CFAP47: variants seen among roughly 807,000 people sequenced by gnomAD.
CFAP47 encodes cilia- and flagella-associated protein 47.
Under a neutral mutation model 148.1 loss-of-function variants are expected in CFAP47, and 29 were observed. That is an observed-to-expected ratio of 0.20 (90% CI 0.15 to 0.27). The LOEUF is 0.27. Ranked by LOEUF, CFAP47 falls within the 10% of genes least tolerant of loss-of-function variation. CFAP47 has a pLI of 1.00. For missense variants in CFAP47, 1,872 were observed against 1,697.5 expected (o/e 1.10, Z -1.81); for synonymous variants, 664 against 577.3 (o/e 1.15, Z -2.15).
chrX:36,348,811 T>G (rs1430090620), intron 58 of CFAP47, among the ~76,000 whole-genome samples: 2 of 111,832 alleles, frequency 1.8e-5, no homozygotes. Context: ...TAGCTGGAAG[T>G]TAAGCAAAAT....
chrX:35,932,818 G>A (rs1404479684), intron 2 of CFAP47, among the ~76,000 whole-genome samples: 2 of 109,920 alleles, frequency 1.8e-5, no homozygotes, highest in African/African-American at 6.6e-5. Context: ...GTAGAGATGA[G>A]GTTTCACCAG....
At chrX:35,981,688 C>T (rs1482510184) in intron 15 of CFAP47, among the ~76,000 whole-genome samples, 2 of 111,123 alleles carry the variant, frequency 1.8e-5, no homozygotes, top group African/African-American at 6.5e-5. Context: ...CCTCCATCCT[C>T]AAGTAGTACG....
At chrX:36,346,025 A>G (rs782197400) in intron 57 of CFAP47, among the ~76,000 whole-genome samples, 56 of 111,845 alleles carry the variant, frequency 5.0e-4, no homozygotes, top group Middle Eastern at 4.6e-3. Flanking sequence ...CAGTCTTACA[A>G]CAGAATAAAA....
At chrX:36,265,201 GAA>G (rs1940876072) in intron 49 of CFAP47, among the ~76,000 whole-genome samples, 1 of 111,915 alleles carries the variant, frequency 8.9e-6, no homozygotes, top group Non-Finnish European at 1.9e-5. Context: ...ATTTGGCTCT[GAA>G]TTAGGACATT....
At chrX:36,317,904 T>C (rs1305660606) in intron 56 of CFAP47, among the ~76,000 whole-genome samples, 2 of 111,971 alleles carry the variant, frequency 1.8e-5, no homozygotes, top group East Asian at 5.6e-4. Flanking sequence ...TACAATTATT[T>C]TATTTTTAGA....
At chrX:36,083,418 C>G (rs1256347921) in intron 29 of CFAP47, among the ~76,000 whole-genome samples, 1 of 111,024 alleles carries the variant, frequency 9.0e-6, no homozygotes, top group Non-Finnish European at 1.9e-5. Flanking sequence ...GGCAAGCTCA[C>G]TGATAAATTT....
intron 42 of CFAP47, among the ~76,000 whole-genome samples, chrX:36,196,048 T>C (rs1013751524): frequency 1.8e-5 from 2 of 111,893 alleles, no homozygotes; most frequent in African/African-American, 6.5e-5. Flanking sequence ...CTGCAATTAA[T>C]GTTGTGTCAA....
chrX:36,179,057 T>C (rs1168199373), intron 39 of CFAP47, among the ~76,000 whole-genome samples: 1 of 112,505 alleles, frequency 8.9e-6, no homozygotes. Flanking sequence ...GGAATATAAT[T>C]TGACCAGTCA....
chrX:36,126,233 T>C (rs187541866), intron 33 of CFAP47, among the ~76,000 whole-genome samples: 1 of 110,014 alleles, frequency 9.1e-6, no homozygotes, highest in Non-Finnish European at 1.9e-5. Flanking sequence ...CTCCTATATG[T>C]TATCCCTCCC....
At chrX:36,382,432 T>C (rs1569332960) in intron 63 of CFAP47, among the ~76,000 whole-genome samples, 1 of 111,656 alleles carries the variant, frequency 9.0e-6, no homozygotes, top group Non-Finnish European at 1.9e-5. Flanking sequence ...AATTGATCTA[T>C]GAAGTTTCAC....
intron 49 of CFAP47, among the ~76,000 whole-genome samples, chrX:36,270,672 T>C (rs1341334155): frequency 1.1e-4 from 11 of 104,610 alleles, no homozygotes; most frequent in African/African-American, 3.8e-4. Flanking sequence ...ATTATATACA[T>C]ATTCTGGACA....
intron 49 of CFAP47, among the ~76,000 whole-genome samples, chrX:36,276,575 A>G (rs1345085438): frequency 8.9e-6 from 1 of 111,998 alleles, no homozygotes; most frequent in Middle Eastern, 4.6e-3. Flanking sequence ...AAGTAGCATG[A>G]CAATCTTCTG....
At chrX:36,371,770 A>G (rs1184154497) in intron 62 of CFAP47, among the ~76,000 whole-genome samples, 4 of 51,607 alleles carry the variant, frequency 7.8e-5, no homozygotes, top group African/African-American at 3.7e-4. Context: ...GTGTGTATAT[A>G]CACACATGTG....
intron 49 of CFAP47, among the ~76,000 whole-genome samples, chrX:36,262,381 C>T (rs974618099): frequency 9.0e-6 from 1 of 111,663 alleles, no homozygotes; most frequent in Non-Finnish European, 1.9e-5. Flanking sequence ...ACTACCCTTC[C>T]CAGCCTCTGG....
Position 36,190,111 on chromosome X carries a change from T to A in CFAP47, c.6236T>A (p.Val2079Glu). ...FCSMHTVHLG[V>E]KGTSSLELRF... ...TCCATGCATACTGTTCACCTGGGAG[T>A]GAAAGGAACTTCAAGCCTAGAGCTC... is the stretch of plus-strand genomic sequence containing the variant. Residue 2079 changes from valine to glutamate, a missense_variant, in exon 42 of 64, where the codon GTG (valine) becomes GAG (glutamate). Transcript: ENST00000378653. 1 of 297,725 alleles carries A rather than the reference T, an allele frequency of 3.4e-6. No homozygotes were observed. The highest frequency in any genetic ancestry group is 5.9e-6 in the Non-Finnish European group (1 of 170,210). The allele number at this position is 297,725 out of a possible 1,213,427, so 24.5% of individuals were successfully genotyped here.
chrX:36,349,349 C>T (rs948228364), intron 58 of CFAP47, among the ~76,000 whole-genome samples: 20 of 111,097 alleles, frequency 1.8e-4, no homozygotes, highest in East Asian at 5.7e-4. Context: ...CTGCAACGTT[C>T]GCCTCCCAGG....
intron 56 of CFAP47, 108 bp from the exon 57 acceptor site, chrX:36,319,101 T>G: frequency 8.0e-6 from 3 of 376,977 alleles, no homozygotes; most frequent in Admixed American, 5.6e-5. Context: ...GATATTCATC[T>G]TATAAGTTTC....
intron 49 of CFAP47, among the ~76,000 whole-genome samples, chrX:36,269,423 A>G (rs993974756): frequency 1.6e-4 from 18 of 112,187 alleles, no homozygotes; most frequent in Non-Finnish European, 7.5e-5. Context: ...GTTCTCCTGG[A>G]TGTATAAATA....
rs149629102 is a variant in CFAP47 at position 36,362,666 on chromosome X, A to G, written c.9023+1165A>G. On this transcript the variant is annotated intron_variant, in intron 61 of 63. Coordinates refer to ENST00000378653, the MANE Select transcript of CFAP47 (RefSeq NM_001304548.2). ...TAACGAGTCCACGTGGCTTTTTGAT[A>G]TAATGATCTATTTTTCTTTGGGTAT... Among the ~76,000 whole-genome samples the G allele has an allele frequency of 3.0e-4, 34 of 112,025 alleles. 1 individual carries two copies. The East Asian group carries it at 7.3e-3, about 24-fold the overall frequency.
Sources: allele counts gnomAD v4.1 joint callset (sites outside exome capture counted in the v4.1 genomes callset), GRCh38; gene constraint gnomAD v4.1.1; transcripts MANE v1.5; gene names NCBI Gene and HGNC (gene_info 2026-07-23, HGNC 2026-07-21).